The following PDLIM5 variants were observed in gnomAD, a reference collection of about 807,000 sequenced individuals.
PDLIM5 encodes the protein PDZ and LIM domain 5.
Under a neutral mutation model 64.2 loss-of-function variants are expected in PDLIM5, and 34 were observed. That is an observed-to-expected ratio of 0.53 (90% CI 0.40 to 0.71). The LOEUF (loss-of-function observed/expected upper bound fraction) is 0.71, where lower values mean the gene tolerates loss of function less well. Ranked by LOEUF, PDLIM5 falls within the 30% of genes least tolerant of loss-of-function variation. The probability of loss-of-function intolerance (pLI) is 0.00; values close to 1 mark genes in which losing one functional copy is unlikely to be tolerated. For missense variants in PDLIM5, 683 were observed against 733.6 expected, an observed-to-expected ratio of 0.93 and a Z score of 0.80; for synonymous variants, 253 against 269.1, an observed-to-expected ratio of 0.94 and a Z score of 0.59.
chr4:94,576,350 T>C (rs187416781), intron 5 of PDLIM5, among the ~76,000 whole-genome samples: 18 of 152,318 alleles, frequency 1.2e-4, no homozygotes, highest in Admixed American at 4.6e-4. Flanking sequence ...GAATCTTTCT[T>C]CCTCAATTTT....
rs1293424127 is a variant in PDLIM5, at chr4:94,619,509, G to A, written c.1108+1318G>A. 3.3e-5 allele frequency among the ~76,000 whole-genome samples: 5 copies of A among 151,938 alleles called. No homozygotes were observed. The East Asian group carries it at 7.8e-4, about 24-fold the overall frequency. On this transcript the variant is annotated intron_variant, in intron 8 of 12. Transcript: ENST00000317968. ...CAAAAAATTATCCGGGCATGGTGGC[G>A]GGCGCCTGTAGTCCCAGCTACTTGG... is the stretch of plus-strand genomic sequence containing the variant.
rs550694151 is a variant in PDLIM5, at chr4:94,494,327, A to G, written c.97-29397A>G. ...CATGTATACCTTGAAATTTCTGTATATTTTTTAAGGCTTCAATCAATATGG... is the reference window on the plus strand; with the variant it reads ...CATGTATACCTTGAAATTTCTGTATGTTTTTTAAGGCTTCAATCAATATGG... On this transcript the variant is annotated intron_variant, in intron 2 of 12. Transcript: ENST00000317968. Among the ~76,000 whole-genome samples the G allele has an allele frequency of 1.4e-4, 20 of 146,938 alleles. 1 individual carries two copies. Among genetic ancestry groups the G allele is most frequent in the Admixed American group, 1.1e-3 (16 of 14,284 alleles).
At chr4:94,561,871 C>G (rs998303572) in intron 3 of PDLIM5, among the ~76,000 whole-genome samples, 1 of 152,188 alleles carries the variant, frequency 6.6e-6, no homozygotes, top group Non-Finnish European at 1.5e-5. Context: ...ATTGTTGGAA[C>G]AACACATATA....
Position 94,665,516 on chromosome 4 carries a change from A to ATT in PDLIM5, c.*1449_*1450insTT. ...AAAAAAAAAAAAAAAAGAGAGAGAGAGAATAAATAGAAAAGAATGTGGCTG... is the reference window on the plus strand; with the variant it reads ...AAAAAAAAAAAAAAAAGAGAGAGAGATTGAATAAATAGAAAAGAATGTGGCTG... On this transcript the variant is annotated 3_prime_UTR_variant, in exon 13 of 13. Coordinates refer to ENST00000317968, the MANE Select transcript of PDLIM5 (RefSeq NM_006457.5). The ATT allele has an allele frequency of 4.0e-6, 3 of 756,650 alleles. No individual in the cohort carries two copies. Among genetic ancestry groups the ATT allele is most frequent in the Non-Finnish European group, 4.8e-6 (3 of 625,612 alleles). The allele number at this position is 756,650 out of a possible 1,614,324, so 46.9% of individuals were successfully genotyped here.
Position 94,519,666 on chromosome 4 carries a change from C to T in PDLIM5, c.97-4058C>T, listed in dbSNP as rs568621504. Among the ~76,000 whole-genome samples the T allele has an allele frequency of 6.0e-4, 91 of 152,266 alleles. 1 individual carries two copies. Among genetic ancestry groups the T allele is most frequent in the Non-Finnish European group, 1.2e-3 (85 of 68,016 alleles). ...CCTCCAAAGTCCCCGATTTACTGTT[C>T]ATGCTTGGTAGATTATAGTACTAAT... On this transcript the variant is annotated intron_variant, in intron 2 of 12. Transcript: ENST00000317968.
chr4:94,524,711 T>C (rs760935522), intron 3 of PDLIM5, among the ~76,000 whole-genome samples: 2 of 152,190 alleles, frequency 1.3e-5, no homozygotes, highest in Admixed American at 6.5e-5. Flanking sequence ...ATTTGAAACC[T>C]GCACCAAAAT....
intron 7 of PDLIM5, among the ~76,000 whole-genome samples, chr4:94,594,527 A>C (rs1207484294): frequency 6.6e-6 from 1 of 152,096 alleles, no homozygotes; most frequent in African/African-American, 2.4e-5. Flanking sequence ...TATTAATAAT[A>C]TATGGCCTAC....
intron 3 of PDLIM5, among the ~76,000 whole-genome samples, chr4:94,568,655 CT>C (rs1734545913): frequency 6.6e-6 from 1 of 151,920 alleles, no homozygotes; most frequent in African/African-American, 2.4e-5. Context: ...CCTCATAAAA[CT>C]GTTACTATGG....
At chr4:94,545,084 T>C (rs1732187717) in intron 3 of PDLIM5, among the ~76,000 whole-genome samples, 1 of 152,246 alleles carries the variant, frequency 6.6e-6, no homozygotes, top group South Asian at 2.1e-4. Flanking sequence ...TATTTACTCA[T>C]AAGTTAGGAA....
At chr4:94,597,656 G>A (rs1450787815) in intron 7 of PDLIM5, among the ~76,000 whole-genome samples, 3 of 150,690 alleles carry the variant, frequency 2.0e-5, no homozygotes, top group Non-Finnish European at 4.4e-5. Flanking sequence ...ATGACTTACC[G>A]CTCAGGGTAT....
chr4:94,615,580 T>G (rs1738714999), intron 7 of PDLIM5, among the ~76,000 whole-genome samples: 1 of 152,112 alleles, frequency 6.6e-6, no homozygotes, highest in Non-Finnish European at 1.5e-5. Context: ...TATAGCATAG[T>G]GATAGGAGAT....
At chr4:94,456,786 A>G in intron 2 of PDLIM5, 1 of 1,198,486 alleles carries the variant, frequency 8.3e-7, no homozygotes, top group Admixed American at 4.3e-5. Context: ...AACGCATGAA[A>G]ATACTATTTT....
chr4:94,534,969 T>G (rs978382934), intron 3 of PDLIM5, among the ~76,000 whole-genome samples: 1 of 152,098 alleles, frequency 6.6e-6, no homozygotes, highest in Non-Finnish European at 1.5e-5. Flanking sequence ...GAAATAGAGA[T>G]AAGAATGAAA....
intron 2 of PDLIM5, among the ~76,000 whole-genome samples, chr4:94,508,233 G>A (rs1263797481): frequency 6.6e-6 from 1 of 152,172 alleles, no homozygotes; most frequent in Non-Finnish European, 1.5e-5. Context: ...GCTGTGTGAC[G>A]AGAGACCAGA....
intron 2 of PDLIM5, among the ~76,000 whole-genome samples, chr4:94,478,327 T>G (rs1050348434): frequency 6.6e-6 from 1 of 151,914 alleles, no homozygotes; most frequent in Non-Finnish European, 1.5e-5. Context: ...TGACTGTTTA[T>G]GTTACCAGTA....
In PDLIM5 at chr4:94,551,450, A is replaced by G. The variant is rs572787779; in HGVS notation, c.249-21901A>G. Among the ~76,000 whole-genome samples, 3 of 152,286 alleles carry G rather than the reference A, an allele frequency of 2.0e-5. No individual in the cohort carries two copies. In the East Asian group the frequency reaches 5.8e-4, roughly 29 times the overall value. On this transcript the variant is annotated intron_variant, in intron 3 of 12. Transcript: ENST00000317968. ...GGTATCCCTTGAATTCTCCCAAATC[A>G]AGACCCTGTAACTTTATTGAGTTTA...
At chr4:94,530,167 A>C (rs1730736599) in intron 3 of PDLIM5, among the ~76,000 whole-genome samples, 1 of 152,170 alleles carries the variant, frequency 6.6e-6, no homozygotes, top group African/African-American at 2.4e-5. Context: ...TTGACTATAA[A>C]ATGAGGTCAT....
At chr4:94,623,397 ACT>A (rs1560747996) in intron 8 of PDLIM5, among the ~76,000 whole-genome samples, 2 of 151,354 alleles carry the variant, frequency 1.3e-5, no homozygotes, top group Middle Eastern at 3.4e-3. Flanking sequence ...CATCCCTTCT[ACT>A]CCTGACAAAC....
At chr4:94,501,981 T>C (rs1246329673) in intron 2 of PDLIM5, among the ~76,000 whole-genome samples, 1 of 151,932 alleles carries the variant, frequency 6.6e-6, no homozygotes, top group Non-Finnish European at 1.5e-5. Context: ...ATTTATAGAA[T>C]GAAGAAAGGG....
Sources: allele counts gnomAD v4.1 joint callset (sites outside exome capture counted in the v4.1 genomes callset), GRCh38; gene constraint gnomAD v4.1.1; transcripts MANE v1.5; gene names NCBI Gene and HGNC (gene_info 2026-07-23, HGNC 2026-07-21).